The following TMC5 variants were observed in gnomAD, a reference collection of about 807,000 sequenced individuals.
TMC5 encodes transmembrane channel-like protein 5.
A neutral mutation model predicts 110.5 loss-of-function variants in TMC5; 86 were observed. The observed-to-expected ratio is 0.78, with a 90% CI of 0.65 to 0.93. The LOEUF (loss-of-function observed/expected upper bound fraction) is 0.93. Among genes scored for constraint, TMC5 ranks in the 40% least tolerant of loss-of-function variants. The pLI, the probability that TMC5 is intolerant of heterozygous loss-of-function variation, is 0.00. For synonymous variants in TMC5, 455 were observed against 439.5 expected, an observed-to-expected ratio of 1.04 and a Z score of -0.44; for missense variants, 1,144 against 1,222.8, an observed-to-expected ratio of 0.94 and a Z score of 0.96.
chr16:19,472,093 C>T lies in TMC5; in HGVS notation c.1788C>T (p.Asn596=), dbSNP rs1399929035. The T allele has an allele frequency of 6.2e-7, 1 of 1,613,666 alleles. No individual in the cohort carries two copies. Among genetic ancestry groups the T allele is most frequent in the Non-Finnish European group, 8.5e-7 (1 of 1,179,734 alleles). ...QKNLSTEIRE[N]LSELRQENSK... is the part of the protein sequence containing the mutation. ...TGACTTTCTTATGTTTCTAGGAGAA[C>T]CTGTCAGAGCTCCGTCAGGAGAATT... is the stretch of plus-strand genomic sequence containing the variant. Residue 596 remains asparagine (N), a synonymous_variant, in exon 11 of 22, where the codon AAC becomes AAT. Transcript: ENST00000542583.
In TMC5 at chr16:19,444,260, T is replaced by A; in HGVS notation, c.958+10T>A. The A allele has an allele frequency of 6.2e-7, 1 of 1,613,010 alleles. No homozygotes were observed. ...CCTGGAAGTGGCTATGGTAAGCATT[T>A]GTTAAGCCAGGATCATATCCTGGGA... On this transcript the variant is annotated intron_variant, in intron 4 of 21. Transcript: ENST00000542583.
At chr16:19,417,365 G>T (rs1271232235), upstream of TMC5, among the ~76,000 whole-genome samples, 1 of 148,814 alleles carries the variant, frequency 6.7e-6, no homozygotes, top group Non-Finnish European at 1.5e-5. Context: ...GTTGCAGTGA[G>T]CTGAGATTGT....
At chr16:19,419,463 A>C (rs889133154) in intron 1 of TMC5, among the ~76,000 whole-genome samples, 2 of 111,584 alleles carry the variant, frequency 1.8e-5, no homozygotes, top group Non-Finnish European at 3.3e-5. Flanking sequence ...CTCAGGCTGG[A>C]GTGCAGTGGT....
chr16:19,456,942 C>T lies in TMC5; in HGVS notation c.1049-3293C>T, dbSNP rs780804577. 16 of 1,614,100 alleles carry T rather than the reference C, an allele frequency of 9.9e-6. No individual in the cohort carries two copies. The Admixed American group carries it at 1.0e-4, about 10-fold the overall frequency. ...CGGTTTTCAACATCTTTGAATGAGT[C>T]GATGTCTCAGACCCTTCATAGCCTA... On this transcript the variant is annotated intron_variant, in intron 5 of 21. Coordinates refer to ENST00000542583, the MANE Select transcript of TMC5 (RefSeq NM_001261841.2).
At chr16:19,433,896 C>T (rs1461122264) in intron 2 of TMC5, among the ~76,000 whole-genome samples, 2 of 148,564 alleles carry the variant, frequency 1.3e-5, no homozygotes, top group Non-Finnish European at 3.0e-5. Flanking sequence ...TCATAGCTCA[C>T]TGCAACCTCA....
chr16:19,463,723 C>A, intron 7 of TMC5, 53 bp from the exon 8 acceptor site: 3 of 1,587,912 alleles, frequency 1.9e-6, no homozygotes, highest in South Asian at 2.3e-5. Flanking sequence ...CCTGCTCAGT[C>A]GATATTTGTT....
At chr16:19,494,457 G>T in intron 20 of TMC5, 91 bp downstream of exon 20, 1 of 795,444 alleles carries the variant, frequency 1.3e-6, no homozygotes, top group Non-Finnish European at 2.1e-6. Context: ...AAGCTCTTGG[G>T]ATCATGGAAG....
At chr16:19,421,189 T>C (rs1177027921) in intron 1 of TMC5, among the ~76,000 whole-genome samples, 2 of 151,618 alleles carry the variant, frequency 1.3e-5, no homozygotes, top group African/African-American at 4.9e-5. Flanking sequence ...AACATGTTGA[T>C]TTTTTTTTCA....
intron 12 of TMC5, among the ~76,000 whole-genome samples, chr16:19,476,751 G>A (rs1186833967): frequency 6.6e-6 from 1 of 152,204 alleles, no homozygotes; most frequent in East Asian, 1.9e-4. Context: ...CCAGATCTCA[G>A]TGGCTTCGAA....
intron 17 of TMC5, 126 bp from the exon 18 acceptor site, chr16:19,490,269 T>C: frequency 1.1e-6 from 1 of 900,186 alleles, no homozygotes; most frequent in South Asian, 1.6e-5. Context: ...CTTTGGGAAG[T>C]GGGTGTGATT....
At chr16:19,480,604 A>G (rs1165092708) in intron 14 of TMC5, among the ~76,000 whole-genome samples, 5 of 152,166 alleles carry the variant, frequency 3.3e-5, no homozygotes, top group African/African-American at 1.2e-4. Flanking sequence ...CAGGAGTTCA[A>G]GAGCAGCCTG....
intron 1 of TMC5, among the ~76,000 whole-genome samples, chr16:19,419,962 T>A (rs899165262): frequency 1.3e-5 from 2 of 152,104 alleles, no homozygotes; most frequent in Non-Finnish European, 2.9e-5. Flanking sequence ...TAATCATCAG[T>A]TATGGTCATT....
At chr16:19,449,350 A>G (rs765659278) in intron 4 of TMC5, among the ~76,000 whole-genome samples, 192 bp from the exon 5 acceptor site, 12 of 152,138 alleles carry the variant, frequency 7.9e-5, no homozygotes, top group South Asian at 2.1e-4. Context: ...ATTATATTTA[A>G]CAGCACTGTT....
chr16:19,423,965 G>T (rs1967038570), intron 1 of TMC5, among the ~76,000 whole-genome samples: 1 of 152,058 alleles, frequency 6.6e-6, no homozygotes, highest in Non-Finnish European at 1.5e-5. Flanking sequence ...TGTCGGCCAG[G>T]CTTGTCTCAA....
At chr16:19,424,875 G>A (rs924032651) in intron 1 of TMC5, among the ~76,000 whole-genome samples, 3 of 152,136 alleles carry the variant, frequency 2.0e-5, no homozygotes, top group East Asian at 1.9e-4. Context: ...TCCTTCTTTC[G>A]TTCCTGGAGG....
intron 4 of TMC5, among the ~76,000 whole-genome samples, chr16:19,448,149 C>CAAAA (rs36050231): frequency 1.3e-5 from 1 of 76,438 alleles, no homozygotes. Context: ...GAGCAAGTCT[C>CAAAA]AAAAAAAAAA....
intron 12 of TMC5, among the ~76,000 whole-genome samples, chr16:19,475,722 G>A (rs1245868592): frequency 1.3e-5 from 2 of 151,044 alleles, no homozygotes; most frequent in Non-Finnish European, 2.9e-5. Flanking sequence ...CATCACCCTC[G>A]TGTTGCACTC....
At chr16:19,491,822 C>T (rs1321652221) in intron 18 of TMC5, among the ~76,000 whole-genome samples, 1 of 149,826 alleles carries the variant, frequency 6.7e-6, no homozygotes, top group East Asian at 2.0e-4. Flanking sequence ...CAGGCATGAG[C>T]CACCGTGCTG....
chr16:19,420,082 C>T (rs560413920), intron 1 of TMC5, among the ~76,000 whole-genome samples: 2 of 152,214 alleles, frequency 1.3e-5, no homozygotes, highest in Admixed American at 6.5e-5. Context: ...CTGCCTTAGC[C>T]TCCTAAGTAG....
Sources: allele counts gnomAD v4.1 joint callset (sites outside exome capture counted in the v4.1 genomes callset), GRCh38; gene constraint gnomAD v4.1.1; transcripts MANE v1.5; gene names NCBI Gene and HGNC (gene_info 2026-07-23, HGNC 2026-07-21).